PRKD1: variants seen among roughly 807,000 people sequenced by gnomAD.
PRKD1 encodes serine/threonine-protein kinase D1.
PRKD1 carries 63 observed loss-of-function variants against 95.9 expected under a neutral mutation model. That is an observed-to-expected ratio of 0.66 (90% CI 0.54 to 0.81). The LOEUF is 0.81. Among genes scored for constraint, PRKD1 ranks in the 30% least tolerant of loss-of-function variants. PRKD1 has a pLI of 0.00. For missense variants in PRKD1, 1,048 were observed against 1,165.3 expected (o/e 0.90, Z 1.47); for synonymous variants, 425 against 423.1 (o/e 1.00, Z -0.05).
intron 1 of PRKD1, among the ~76,000 whole-genome samples, chr14:29,853,204 A>T (rs547437702): frequency 1.3e-5 from 2 of 152,352 alleles, no homozygotes; most frequent in East Asian, 1.9e-4. Flanking sequence ...AAATGTTCAT[A>T]CACCTAATAA....
chr14:29,848,581 A>G (rs1324739550), intron 1 of PRKD1, among the ~76,000 whole-genome samples: 1 of 152,062 alleles, frequency 6.6e-6, no homozygotes, highest in African/African-American at 2.4e-5. Flanking sequence ...TAAGGAAAAA[A>G]AAAAACAAAA....
intron 2 of PRKD1, among the ~76,000 whole-genome samples, chr14:29,679,871 G>A (rs972135605): frequency 6.6e-6 from 1 of 151,980 alleles, no homozygotes; most frequent in African/African-American, 2.4e-5. Context: ...GAGAATACAG[G>A]CATGCAACAC....
intron 1 of PRKD1, among the ~76,000 whole-genome samples, chr14:29,845,704 A>G (rs1892052553): frequency 6.6e-6 from 1 of 152,242 alleles, no homozygotes; most frequent in Non-Finnish European, 1.5e-5. Flanking sequence ...AGTTTACAGT[A>G]TAACAGAAAT....
At chr14:29,593,261 C>T (rs1443575082) in intron 16 of PRKD1, among the ~76,000 whole-genome samples, 1 of 152,130 alleles carries the variant, frequency 6.6e-6, no homozygotes, top group East Asian at 1.9e-4. Context: ...CTCCATTTTA[C>T]TGGAAACACC....
At chr14:29,787,192 G>T (rs1271321486) in intron 1 of PRKD1, among the ~76,000 whole-genome samples, 2 of 144,490 alleles carry the variant, frequency 1.4e-5, no homozygotes, top group Admixed American at 6.9e-5. Flanking sequence ...GTCTGAGAAG[G>T]TACTTGATAT....
chr14:29,775,515 G>A (rs975971248), intron 1 of PRKD1, among the ~76,000 whole-genome samples: 4 of 152,148 alleles, frequency 2.6e-5, no homozygotes, highest in East Asian at 1.9e-4. Context: ...CGCCTGGCTC[G>A]AGGGTCCCCC....
chr14:29,717,248 T>C (rs1018608657), intron 2 of PRKD1, among the ~76,000 whole-genome samples: 7 of 152,122 alleles, frequency 4.6e-5, no homozygotes, highest in African/African-American at 7.2e-5. Flanking sequence ...AAATAAATCG[T>C]TCCTATTTCA....
intron 1 of PRKD1, among the ~76,000 whole-genome samples, chr14:29,770,954 A>T (rs1888479503): frequency 6.8e-6 from 1 of 147,830 alleles, no homozygotes; most frequent in Admixed American, 6.7e-5. Flanking sequence ...AAAAAAAAGG[A>T]AAGAAAGAAA....
chr14:29,850,156 A>T (rs1892251198), intron 1 of PRKD1, among the ~76,000 whole-genome samples: 1 of 152,168 alleles, frequency 6.6e-6, no homozygotes, highest in African/African-American at 2.4e-5. Flanking sequence ...AAAGATGCAC[A>T]TTCTTACCAC....
chr14:29,924,000 ATGAT>A (rs1895212579), intron 1 of PRKD1, among the ~76,000 whole-genome samples: 1 of 152,148 alleles, frequency 6.6e-6, no homozygotes, highest in South Asian at 2.1e-4. Flanking sequence ...AGTGAAGTCA[ATGAT>A]TGTTATTATT....
At chr14:29,734,171 T>C (rs1419326366) in intron 1 of PRKD1, among the ~76,000 whole-genome samples, 2 of 150,996 alleles carry the variant, frequency 1.3e-5, no homozygotes, top group African/African-American at 2.4e-5. Flanking sequence ...GCCTCCCGAG[T>C]AGCTGGGATT....
intron 1 of PRKD1, among the ~76,000 whole-genome samples, chr14:29,877,523 T>C (rs1893343993): frequency 6.6e-6 from 1 of 152,240 alleles, no homozygotes; most frequent in Non-Finnish European, 1.5e-5. Flanking sequence ...TTTGCTTTTG[T>C]TGTGATTGCT....
intron 1 of PRKD1, among the ~76,000 whole-genome samples, chr14:29,829,838 A>T (rs998400737): frequency 6.6e-6 from 1 of 152,146 alleles, no homozygotes; most frequent in Non-Finnish European, 1.5e-5. Context: ...TCAAAATTTC[A>T]TTTGCATATC....
chr14:29,601,677 GC>G (rs1189181833), intron 13 of PRKD1, among the ~76,000 whole-genome samples: 22 of 152,274 alleles, frequency 1.4e-4, no homozygotes, highest in African/African-American at 5.1e-4. Flanking sequence ...TAGCCAGATG[GC>G]TTTGAGTATT....
intron 1 of PRKD1, among the ~76,000 whole-genome samples, chr14:29,791,812 C>T (rs899832402): frequency 1.3e-5 from 2 of 151,980 alleles, no homozygotes; most frequent in African/African-American, 4.8e-5. Context: ...ATAGATATAC[C>T]ACACCAAGGT....
chr14:29,785,112 G>T (rs1889208049), intron 1 of PRKD1, among the ~76,000 whole-genome samples: 2 of 152,100 alleles, frequency 1.3e-5, no homozygotes, highest in South Asian at 4.1e-4. Context: ...AATATGTACA[G>T]CTGCCCCTCC....
intron 1 of PRKD1, among the ~76,000 whole-genome samples, chr14:29,732,065 G>T (rs1196957880): frequency 1.3e-5 from 2 of 151,904 alleles, no homozygotes; most frequent in African/African-American, 4.8e-5. Context: ...TAGAGATGGG[G>T]TTTCTCCATG....
chr14:29,759,911 A>G (rs776693399), intron 1 of PRKD1, among the ~76,000 whole-genome samples: 12 of 152,246 alleles, frequency 7.9e-5, no homozygotes, highest in Non-Finnish European at 1.6e-4. Context: ...TTTTCTATTT[A>G]TAAAAGTAAT....
At chr14:29,904,637 T>G (rs1894433010) in intron 1 of PRKD1, among the ~76,000 whole-genome samples, 1 of 152,184 alleles carries the variant, frequency 6.6e-6, no homozygotes, top group African/African-American at 2.4e-5. Context: ...TTAACTGACC[T>G]ATGAGAAGTG....
Sources: allele counts gnomAD v4.1 joint callset (sites outside exome capture counted in the v4.1 genomes callset), GRCh38; gene constraint gnomAD v4.1.1; transcripts MANE v1.5; gene names NCBI Gene and HGNC (gene_info 2026-07-23, HGNC 2026-07-21).